Variants in PNMA1 observed in about 807,000 individuals in gnomAD.
The protein encoded by PNMA1 is PNMA family member 1, also known as paraneoplastic antigen Ma1.
A neutral mutation model predicts 26.1 loss-of-function variants in PNMA1; 21 were observed. The observed-to-expected ratio is 0.80, with a 90% confidence interval of 0.57 to 1.16. The LOEUF (loss-of-function observed/expected upper bound fraction) is 1.16. Ranked by LOEUF, PNMA1 falls within the 50% of genes most tolerant of loss-of-function variation. PNMA1 has a pLI of 0.00. For missense variants in PNMA1, 435 were observed against 437.3 expected (o/e 0.99, Z 0.05); for synonymous variants, 189 against 177.3 (o/e 1.07, Z -0.52).
In PNMA1 at chr14:73,713,980, T is replaced by A. The variant is rs1251670246; in HGVS notation, c.-341A>T. 3 of 200,672 alleles carry A rather than the reference T, an allele frequency of 1.5e-5. No individual in the cohort carries two copies. Among genetic ancestry groups the A allele is most frequent in the Admixed American group, 6.2e-5 (1 of 16,188 alleles). 12.4% of individuals were successfully genotyped at this position (200,672 alleles called of 1,614,324 possible). On this transcript the variant is annotated 5_prime_UTR_variant, in exon 1 of 1. Coordinates refer to ENST00000316836, the MANE Select transcript of PNMA1 (RefSeq NM_006029.5). ...CGGCGGGCGGCGAAGGCAGGCGCGC[T>A]GGGCCGAGAGCCGCCGGGGTGTGGT...
At position 73,711,910 on chromosome 14, in the gene PNMA1, C is replaced by T. The variant is rs759655277; in HGVS notation, c.*668G>A. The T allele has an allele frequency of 9.2e-5, 14 of 152,266 alleles. No individual in the cohort carries two copies. Among genetic ancestry groups the T allele is most frequent in the Non-Finnish European group, 1.8e-4 (12 of 68,070 alleles). The allele number at this position is 152,266 out of a possible 1,614,324, so 9.4% of individuals were successfully genotyped here. ...TTACTGTACAGGTGCATATCAACCTCTCCATGCAATTTACATCTGTATCTT... is the reference window on the plus strand; with the variant it reads ...TTACTGTACAGGTGCATATCAACCTTTCCATGCAATTTACATCTGTATCTT... On this transcript the variant is annotated 3_prime_UTR_variant, in exon 1 of 1. Coordinates refer to ENST00000316836, the MANE Select transcript of PNMA1 (RefSeq NM_006029.5).
rs61117767 is a variant in PNMA1 at position 73,712,210 on chromosome 14, C to T, written c.*368G>A. On this transcript the variant is annotated 3_prime_UTR_variant, in exon 1 of 1. Transcript: ENST00000316836. ...TGAACACTTCCTGTGAGCCAGGCCT[C>T]GTAGTAAACATCTGAACATGCAATT... 0.022 allele frequency: 4,368 copies of T among 202,448 alleles called. 164 individuals are homozygous for T. The highest frequency in any genetic ancestry group is 0.091 in the African/African-American group (3,942 of 43,470). The allele number at this position is 202,448 out of a possible 1,614,324, so 12.5% of individuals were successfully genotyped here.
rs2052833977 is a variant in PNMA1, at chr14:73,713,080, A to AC, written c.559dup (p.Val187GlyfsTer21). 6.2e-7 allele frequency: 1 copy of AC among 1,613,714 alleles called. No individual in the cohort carries two copies. Among genetic ancestry groups the AC allele is most frequent in the Non-Finnish European group, 8.5e-7 (1 of 1,179,946 alleles). ...ATCGGACACCTGCCACTCCTCTAGGACCTCATTAGTGTGCTCCAGCCAGGG... is the reference window on the plus strand; with the variant it reads ...ATCGGACACCTGCCACTCCTCTAGGACCCTCATTAGTGTGCTCCAGCCAGGG... On this transcript the variant is annotated frameshift_variant, in exon 1 of 1. Transcript: ENST00000316836. LOFTEE classifies it high-confidence loss of function.
rs1437111794 is a variant in PNMA1, at chr14:73,713,273, G to A, written c.367C>T (p.Leu123Phe). 6.2e-7 allele frequency: 1 copy of A among 1,614,076 alleles called. No individual in the cohort carries two copies. Among genetic ancestry groups the A allele is most frequent in the Non-Finnish European group, 8.5e-7 (1 of 1,180,054 alleles). The change falls in exon 1 of 1, where the codon CTT becomes TTT. Residue 123 changes from leucine (L) to phenylalanine (F), a missense_variant. Coordinates refer to ENST00000316836, the MANE Select transcript of PNMA1 (RefSeq NM_006029.5). ...GWTVQDVARVLGFQNPTPTPG... is the reference protein window; with the variant it reads ...GWTVQDVARVFGFQNPTPTPG... Reference sequence around the variant, plus strand: ...GTCGGAGTAGGGTTCTGAAACCCAAGGACACGGGCAACATCTTGCACGGTC... The same window carrying A: ...GTCGGAGTAGGGTTCTGAAACCCAAAGACACGGGCAACATCTTGCACGGTC...
Position 73,712,969 on chromosome 14 carries a change from A to T in PNMA1, c.671T>A (p.Ile224Lys). The change falls in exon 1 of 1, where the codon ATA becomes AAA. Residue 224 changes from isoleucine (I) to lysine (K), a missense_variant. By Grantham distance (102) the Ile-to-Lys change is moderately radical. Coordinates refer to ENST00000316836, the MANE Select transcript of PNMA1 (RefSeq NM_006029.5). ...CGCCTTCAGGCATTCGGCAGTGGTT[A>T]TCGCGGGGTTGTTGGACTTAAGGAT... Reference protein sequence around the residue: ...IRILKSNNPAITTAECLKALE... With the variant: ...IRILKSNNPAKTTAECLKALE... 6.2e-7 allele frequency: 1 copy of T among 1,614,252 alleles called. No homozygotes were observed. The highest frequency in any genetic ancestry group is 8.5e-7 in the Non-Finnish European group (1 of 1,180,050).
In PNMA1 at chr14:73,712,808, T is replaced by C. The variant is rs1211159024; in HGVS notation, c.832A>G (p.Lys278Glu). The change falls in exon 1 of 1, where the codon AAG (lysine) becomes GAG (glutamate). Residue 278 changes from lysine to glutamate, a missense_variant. Lys to Glu is a moderately conservative substitution (Grantham distance 56). Transcript: ENST00000316836. ...LEPLLQKVVE[K>E]GAIDKDNVNQ... Reference sequence around the variant, plus strand: ...ACATTATCTTTATCAATGGCCCCCTTCTCTACCACCTTCTGTAGCAGAGGC... The same window carrying C: ...ACATTATCTTTATCAATGGCCCCCTCCTCTACCACCTTCTGTAGCAGAGGC... 1 of 1,614,060 alleles carries C rather than the reference T, an allele frequency of 6.2e-7. No homozygotes were observed. Among genetic ancestry groups the C allele is most frequent in the South Asian group, 1.1e-5 (1 of 91,076 alleles).
chr14:73,713,580 A>G lies in PNMA1; in HGVS notation c.60T>C (p.Ala20=). 6.2e-7 allele frequency: 1 copy of G among 1,613,880 alleles called. No homozygotes were observed. The highest frequency in any genetic ancestry group is 8.5e-7 in the Non-Finnish European group (1 of 1,179,862). The change falls in exon 1 of 1, where the codon GCT becomes GCC. Residue 20 remains alanine (A), a synonymous_variant. Coordinates refer to ENST00000316836, the MANE Select transcript of PNMA1 (RefSeq NM_006029.5). The part of the protein sequence containing the change: ...CRGMDVNSQR[A]LLVWGIPVNC... ...TCACTGGGATGCCCCAGACTAACAG[A>G]GCTCTCTGGGAGTTCACATCCATCC...
At position 73,713,090 on chromosome 14, in the gene PNMA1, T is replaced by G. The variant is rs760687408; in HGVS notation, c.550A>C (p.Thr184Pro). ...TGCCACTCCTCTAGGACCTCATTAGTGTGCTCCAGCCAGGGATCAAAGGTT... is the reference window on the plus strand; with the variant it reads ...TGCCACTCCTCTAGGACCTCATTAGGGTGCTCCAGCCAGGGATCAAAGGTT... ...EETFDPWLEH[T>P]NEVLEEWQVS... Residue 184 changes from threonine to proline, a missense_variant, in exon 1 of 1, where the codon ACT becomes CCT. By Grantham distance (38) the Thr-to-Pro change is conservative. Coordinates refer to ENST00000316836, the MANE Select transcript of PNMA1 (RefSeq NM_006029.5). The G allele has an allele frequency of 6.2e-7, 1 of 1,613,716 alleles. No individual in the cohort carries two copies. Among genetic ancestry groups the G allele is most frequent in the African/African-American group, 1.3e-5 (1 of 74,918 alleles).
rs1416417910 is a variant in PNMA1 at position 73,713,294 on chromosome 14, C to A, written c.346G>T (p.Val116Leu). The A allele has an allele frequency of 6.2e-7, 1 of 1,614,144 alleles. No individual in the cohort carries two copies. Among genetic ancestry groups the A allele is most frequent in the South Asian group, 1.1e-5 (1 of 91,082 alleles). ...CCAAGGACACGGGCAACATCTTGCA[C>A]GGTCCACCCCTCTCTAGCTAGGAAG... ...HLFLAREGWT[V>L]QDVARVLGFQ... The change falls in exon 1 of 1, where the codon GTG (valine) becomes TTG (leucine). Residue 116 changes from valine to leucine, a missense_variant. Transcript: ENST00000316836.
rs1216669899 is a variant in PNMA1 at position 73,713,683 on chromosome 14, C to T, written c.-44G>A. On this transcript the variant is annotated 5_prime_UTR_variant, in exon 1 of 1. Transcript: ENST00000316836. ...GCCAAATTCTACCAACAGACTGTGG[C>T]TCACCGTGCTCCTGGCCTTAGAACA... 1.3e-6 allele frequency: 2 copies of T among 1,539,940 alleles called. No homozygotes were observed. The highest frequency in any genetic ancestry group is 1.8e-6 in the Non-Finnish European group (2 of 1,134,862).
rs149516636 is a variant in PNMA1 at position 73,712,912 on chromosome 14, G to C, written c.728C>G (p.Ser243Cys). The stretch of plus-strand genomic sequence containing the variant: ...CAGAAATTTGATCTGGGCATCCCTA[G>C]AGCTCTCAACGCTCCCAAACACCTG... ...LEQVFGSVES[S>C]RDAQIKFLNT... Residue 243 changes from serine to cysteine, a missense_variant, in exon 1 of 1, where the codon TCT becomes TGT. By Grantham distance (112) the Ser-to-Cys change is moderately radical (BLOSUM62 -1). Transcript: ENST00000316836. The C allele has an allele frequency of 2.9e-4, 466 of 1,614,086 alleles. No individual in the cohort carries two copies. The highest frequency in any genetic ancestry group is 3.8e-4 in the Non-Finnish European group (447 of 1,180,056).
chr14:73,713,726 C>G lies in PNMA1; in HGVS notation c.-87G>C. 6 of 1,293,356 alleles carry G rather than the reference C, an allele frequency of 4.6e-6. No homozygotes were observed. The South Asian group carries it at 8.4e-5, about 18-fold the overall frequency. 80.1% of individuals were successfully genotyped at this position (1,293,356 alleles called of 1,614,324 possible). A position where few individuals can be genotyped will look rare whatever the true frequency, so the allele number is the denominator to read the frequency against. On this transcript the variant is annotated 5_prime_UTR_variant, in exon 1 of 1. Transcript: ENST00000316836. ...TTAGAACAATACCAGACACTCCCAC[C>G]AAGTAGGCCCGAGGGAGGCGACCTT... is the stretch of plus-strand genomic sequence containing the variant.
rs2052851376 is a variant in PNMA1 at position 73,714,346 on chromosome 14, CGTCCA to C, written c.-712_-708del. On this transcript the variant is annotated 5_prime_UTR_variant, in exon 1 of 1. Transcript: ENST00000316836. ...TTCAGGCGCTGCGCGGCTGCTCTGG[CGTCCA>C]GTCCTACCCGCAACCCGCCGCGACG... is the stretch of plus-strand genomic sequence containing the variant. 1 of 161,804 alleles carries C rather than the reference CGTCCA, an allele frequency of 6.2e-6. No individual in the cohort carries two copies. Among genetic ancestry groups the C allele is most frequent in the Non-Finnish European group, 1.5e-5 (1 of 68,034 alleles). The allele number at this position is 161,804 out of a possible 1,614,324, so 10.0% of individuals were successfully genotyped here.
At position 73,713,748 on chromosome 14, in the gene PNMA1, C is replaced by T; in HGVS notation, c.-109G>A. 1.0e-6 allele frequency: 1 copy of T among 990,536 alleles called. No individual in the cohort carries two copies. The highest frequency in any genetic ancestry group is 2.3e-5 in the Admixed American group (1 of 43,608). 61.4% of individuals were successfully genotyped at this position (990,536 alleles called of 1,614,324 possible). A position where few individuals can be genotyped will look rare whatever the true frequency, so the allele number is the denominator to read the frequency against. ...CACCAAGTAGGCCCGAGGGAGGCGA[C>T]CTTCATGCAGTCACGATTAACAAAG... On this transcript the variant is annotated 5_prime_UTR_variant, in exon 1 of 1. Transcript: ENST00000316836.
In PNMA1 at chr14:73,713,432, C is replaced by T; in HGVS notation, c.208G>A (p.Gly70Ser). The change falls in exon 1 of 1, where the codon GGC becomes AGC. Residue 70 changes from glycine to serine, a missense_variant. Transcript: ENST00000316836. ...NAKAALLELT[G>S]AVDYAAIPRE... is the part of the protein sequence containing the mutation. Reference sequence around the variant, plus strand: ...GGGATCGCGGCGTAATCTACAGCGCCAGTGAGCTCTAATAAGGCTGCTTTC... The same window carrying T: ...GGGATCGCGGCGTAATCTACAGCGCTAGTGAGCTCTAATAAGGCTGCTTTC... 1 of 1,614,142 alleles carries T rather than the reference C, an allele frequency of 6.2e-7. No individual in the cohort carries two copies. The highest frequency in any genetic ancestry group is 8.5e-7 in the Non-Finnish European group (1 of 1,180,012).
chr14:73,712,831 G>A lies in PNMA1; in HGVS notation c.809C>T (p.Pro270Leu), dbSNP rs759188009. ...CTTCTCTACCACCTTCTGTAGCAGAGGCTCCAGACGAATGACATAAGCAGA... is the reference window on the plus strand; with the variant it reads ...CTTCTCTACCACCTTCTGTAGCAGAAGCTCCAGACGAATGACATAAGCAGA... ...KLSAYVIRLE[P>L]LLQKVVEKGA... is the part of the protein sequence containing the mutation. Residue 270 changes from proline (P) to leucine (L), a missense_variant, in exon 1 of 1, where the codon CCT (proline) becomes CTT (leucine). Coordinates refer to ENST00000316836, the MANE Select transcript of PNMA1 (RefSeq NM_006029.5). 1.2e-6 allele frequency: 2 copies of A among 1,614,020 alleles called. No individual in the cohort carries two copies. Among genetic ancestry groups the A allele is most frequent in the Non-Finnish European group, 1.7e-6 (2 of 1,179,960 alleles).
Position 73,713,592 on chromosome 14 carries a change from G to C in PNMA1, c.48C>G (p.Asn16Lys). 1.2e-6 allele frequency: 2 copies of C among 1,612,542 alleles called. No individual in the cohort carries two copies. Among genetic ancestry groups the C allele is most frequent in the Non-Finnish European group, 1.7e-6 (2 of 1,179,092 alleles). The change falls in exon 1 of 1, where the codon AAC becomes AAG. Residue 16 changes from asparagine (N) to lysine (K), a missense_variant. Asn to Lys is a moderately conservative substitution (Grantham distance 94, BLOSUM62 0). Coordinates refer to ENST00000316836, the MANE Select transcript of PNMA1 (RefSeq NM_006029.5). ...CCCAGACTAACAGAGCTCTCTGGGA[G>C]TTCACATCCATCCCCCGGCACCAGT... is the stretch of plus-strand genomic sequence containing the variant. ...LEDWCRGMDV[N>K]SQRALLVWGI...
At position 73,712,634 on chromosome 14, in the gene PNMA1, CCTCCTT is replaced by C. The variant is rs2052828369; in HGVS notation, c.1000_1005del (p.Lys334_Glu335del). The C allele has an allele frequency of 1.2e-6, 2 of 1,613,556 alleles. No homozygotes were observed. The highest frequency in any genetic ancestry group is 1.7e-6 in the Non-Finnish European group (2 of 1,179,726). On this transcript the variant is annotated inframe_deletion, in exon 1 of 1. Transcript: ENST00000316836. ...AGGGTGGCCTCAGCCTCCTCCTCCT[CCTCCTT>C]GGCTTCCTCCTCACGGATCTGCACC... is the stretch of plus-strand genomic sequence containing the variant.
In PNMA1 at chr14:73,713,067, C is replaced by A. The variant is rs866998197; in HGVS notation, c.573G>T (p.Trp191Cys). Residue 191 changes from tryptophan (W) to cysteine (C), a missense_variant, in exon 1 of 1, where the codon TGG becomes TGT. By Grantham distance (215) the Trp-to-Cys change is radical. Transcript: ENST00000316836. Reference protein sequence around the residue: ...LEHTNEVLEEWQVSDVEKRRR... With the variant: ...LEHTNEVLEECQVSDVEKRRR... The stretch of plus-strand genomic sequence containing the variant: ...GCCTCTTTTCTACATCGGACACCTG[C>A]CACTCCTCTAGGACCTCATTAGTGT... 2.5e-6 allele frequency: 4 copies of A among 1,614,034 alleles called. No individual in the cohort carries two copies. In the Middle Eastern group the frequency reaches 6.6e-4, roughly 266 times the overall value.
Sources: gnomAD v4.1 joint callset for allele counts on GRCh38, gnomAD v4.1.1 for gene constraint, MANE v1.5 for transcripts, NCBI Gene and HGNC (gene_info 2026-07-23, HGNC 2026-07-21) for gene names.